The following ZFAND6 variants were observed in gnomAD, a reference collection of about 807,000 sequenced individuals.
ZFAND6 encodes the protein AN1-type zinc finger protein 6.
ZFAND6 carries 12 observed loss-of-function variants against 24.5 expected under a neutral mutation model. The ratio of observed to expected loss-of-function variants is 0.49; its 90% CI spans 0.31 to 0.79. The LOEUF (loss-of-function observed/expected upper bound fraction) is 0.79. Ranked by LOEUF, ZFAND6 falls within the 30% of genes least tolerant of loss-of-function variation. The pLI is 0.04. For missense variants in ZFAND6, 207 were observed against 245.9 expected (o/e 0.84, Z 1.06); for synonymous variants, 92 against 81.5 (o/e 1.13, Z -0.69).
chr15:80,081,836 T>C (rs919803675), intron 1 of ZFAND6, among the ~76,000 whole-genome samples: 1 of 152,218 alleles, frequency 6.6e-6, no homozygotes, highest in Non-Finnish European at 1.5e-5. Flanking sequence ...CAGGATCATA[T>C]ATTACTGAGT....
chr15:80,114,757 A>G (rs2039790643), intron 2 of ZFAND6, among the ~76,000 whole-genome samples: 1 of 152,218 alleles, frequency 6.6e-6, no homozygotes, highest in African/African-American at 2.4e-5. Flanking sequence ...TTACAGTCTT[A>G]AAGCATTTAA....
chr15:80,131,460 C>A (rs577024967), intron 6 of ZFAND6, 167 bp downstream of exon 6: 30 of 520,424 alleles, frequency 5.8e-5, no homozygotes, highest in African/African-American at 4.8e-4. Flanking sequence ...TTTGATTATA[C>A]ACCTAAAAGT....
At chr15:80,084,531 G>T (rs1273390072) in intron 1 of ZFAND6, among the ~76,000 whole-genome samples, 1 of 152,218 alleles carries the variant, frequency 6.6e-6, no homozygotes, top group Admixed American at 6.5e-5. Context: ...TGGCATAAAA[G>T]GGTTAGATGA....
At chr15:80,064,719 A>G (rs1475489398) in intron 1 of ZFAND6, among the ~76,000 whole-genome samples, 1 of 152,062 alleles carries the variant, frequency 6.6e-6, no homozygotes, top group Non-Finnish European at 1.5e-5. Context: ...TGGTTCACTG[A>G]GGCCTCTACT....
chr15:80,132,038 G>A (rs1287497036), intron 6 of ZFAND6, among the ~76,000 whole-genome samples: 1 of 152,222 alleles, frequency 6.6e-6, no homozygotes, highest in Admixed American at 6.5e-5. Context: ...CAGGGACCAT[G>A]AATAGGGGAA....
At chr15:80,062,697 A>AT (rs928158529) in intron 1 of ZFAND6, among the ~76,000 whole-genome samples, 16 of 152,088 alleles carry the variant, frequency 1.1e-4, no homozygotes, top group Non-Finnish European at 1.6e-4. Context: ...TAAAAACCTT[A>AT]TTTTTTATTT....
intron 2 of ZFAND6, among the ~76,000 whole-genome samples, chr15:80,103,034 C>T (rs912657344): frequency 6.6e-6 from 1 of 152,198 alleles, no homozygotes; most frequent in African/African-American, 2.4e-5. Flanking sequence ...ATAGGTTCAT[C>T]GGGTCAGTGT....
intron 1 of ZFAND6, among the ~76,000 whole-genome samples, chr15:80,065,030 CAAAA>C (rs1044453501): frequency 1.5e-4 from 13 of 86,020 alleles, no homozygotes; most frequent in Non-Finnish European, 2.6e-4. Context: ...TTTAACAAAA[CAAAA>C]AAACAGGCAA....
intron 2 of ZFAND6, among the ~76,000 whole-genome samples, chr15:80,108,282 C>T (rs1276865777): frequency 6.6e-6 from 1 of 151,812 alleles, no homozygotes; most frequent in Non-Finnish European, 1.5e-5. Context: ...GAAGATTTAC[C>T]TTAGGGGGAG....
rs376177827 is a variant in ZFAND6, at chr15:80,085,387, A to G, written c.-180-13029A>G. 3.4e-4 allele frequency among the ~76,000 whole-genome samples: 52 copies of G among 152,354 alleles called. 3 individuals carry two copies. The South Asian group carries it at 0.011, about 32-fold the overall frequency. On this transcript the variant is annotated intron_variant, in intron 1 of 6. Coordinates refer to ENST00000261749, the MANE Select transcript of ZFAND6 (RefSeq NM_019006.4). The stretch of plus-strand genomic sequence containing the variant: ...ATAGGAAATGCTTAATTTTTATTGA[A>G]TACATAAATTCATTTAAATTTCAAA...
chr15:80,085,013 C>T (rs1049817810), intron 1 of ZFAND6, among the ~76,000 whole-genome samples: 1 of 152,222 alleles, frequency 6.6e-6, no homozygotes. Flanking sequence ...TAACTCCTCA[C>T]AGAATCTTTG....
chr15:80,066,320 A>T (rs1253060090), intron 1 of ZFAND6, among the ~76,000 whole-genome samples: 4 of 126,380 alleles, frequency 3.2e-5, no homozygotes, highest in African/African-American at 9.8e-5. Context: ...ATCGAAACAT[A>T]AAAAAAAAAA....
intron 1 of ZFAND6, among the ~76,000 whole-genome samples, chr15:80,077,115 T>A (rs970561023): frequency 2.6e-5 from 4 of 152,204 alleles, no homozygotes; most frequent in African/African-American, 9.6e-5. Flanking sequence ...GTGGGAAGAT[T>A]AGGCAAAGTG....
rs1436778966 is a variant in ZFAND6 at position 80,093,062 on chromosome 15, C to T, written c.-180-5354C>T. Among the ~76,000 whole-genome samples, 3 of 151,660 alleles carry T rather than the reference C, an allele frequency of 2.0e-5. No individual in the cohort carries two copies. In the East Asian group the frequency reaches 5.9e-4, roughly 30 times the overall value. On this transcript the variant is annotated intron_variant, in intron 1 of 6. Transcript: ENST00000261749. ...CTCTGCCTCCTCGGTTCAAGCAATT[C>T]TCCTGCCTCAGCCTCCCGAGTAGCT...
At chr15:80,071,791 A>T (rs2036993447) in intron 1 of ZFAND6, among the ~76,000 whole-genome samples, 1 of 151,850 alleles carries the variant, frequency 6.6e-6, no homozygotes, top group East Asian at 1.9e-4. Flanking sequence ...TCTAAATTTT[A>T]TACCTGAACA....
chr15:80,111,214 G>T (rs2039591964), intron 2 of ZFAND6, among the ~76,000 whole-genome samples: 1 of 152,130 alleles, frequency 6.6e-6, no homozygotes, highest in African/African-American at 2.4e-5. Flanking sequence ...CATGTCTGGG[G>T]ATACACATTT....
intron 1 of ZFAND6, chr15:80,075,383 A>C: frequency 5.2e-6 from 1 of 190,892 alleles, no homozygotes. Flanking sequence ...CAAGGTAAAG[A>C]AGTGATTTTT....
chr15:80,072,980 G>A (rs1265412383), intron 1 of ZFAND6, among the ~76,000 whole-genome samples: 1 of 151,828 alleles, frequency 6.6e-6, no homozygotes, highest in East Asian at 1.9e-4. Context: ...TCTTGAGGAG[G>A]TTCATTTGAT....
rs2040921949 is a variant in ZFAND6 at position 80,137,617 on chromosome 15, C to CA, written c.620dup (p.Ile208AspfsTer26). On this transcript the variant is annotated frameshift_variant, in exon 7 of 7. Transcript: ENST00000261749. LOFTEE classifies it high-confidence loss of function. Reference sequence around the variant, plus strand: ...TCCAGTAGTTGTTGGTGAAAAGATCCAAAAGATTTGAACTCCTGCTGGAAT... The same window carrying CA: ...TCCAGTAGTTGTTGGTGAAAAGATCCAAAAAGATTTGAACTCCTGCTGGAAT... The CA allele has an allele frequency of 6.3e-7, 1 of 1,584,070 alleles. No homozygotes were observed. Among genetic ancestry groups the CA allele is most frequent in the South Asian group, 1.2e-5 (1 of 85,508 alleles).
Sources: gnomAD v4.1 joint callset for allele counts (sites outside exome capture counted in the v4.1 genomes callset) on GRCh38, gnomAD v4.1.1 for gene constraint, MANE v1.5 for transcripts, NCBI Gene and HGNC (gene_info 2026-07-23, HGNC 2026-07-21) for gene names.